The following NAV1 variants were observed in gnomAD, a reference collection of about 807,000 sequenced individuals.
The protein encoded by NAV1 is neuron navigator 1, also known as pore membrane and/or filament interacting like protein 3.
In NAV1, 18 loss-of-function variants were observed where a neutral mutation model predicts 175.2. The observed-to-expected ratio is 0.10, with a 90% confidence interval of 0.07 to 0.15. The LOEUF (loss-of-function observed/expected upper bound fraction) is 0.15. Among genes scored for constraint, NAV1 ranks in the 10% least tolerant of loss-of-function variants. NAV1 has a pLI of 1.00. For synonymous variants in NAV1, 897 were observed against 978.7 expected (o/e 0.92, Z 1.56); for missense variants, 1,731 against 2,436.6 (o/e 0.71, Z 6.10).
intron 2 of NAV1, among the ~76,000 whole-genome samples, chr1:201,630,001 G>A (rs1301597082): frequency 2.0e-5 from 3 of 152,204 alleles, no homozygotes; most frequent in Admixed American, 2.0e-4. Flanking sequence ...AGGCATGTGA[G>A]ATTCACCAGG....
Position 201,718,354 on chromosome 1 carries a change from C to G in NAV1, c.861-36C>G. 1.3e-6 allele frequency: 2 copies of G among 1,496,932 alleles called. No homozygotes were observed. The highest frequency in any genetic ancestry group is 1.8e-6 in the Non-Finnish European group (2 of 1,121,290). The allele number at this position is 1,496,932 out of a possible 1,614,324, so 92.7% of individuals were successfully genotyped here. A position where few individuals can be genotyped will look rare whatever the true frequency, so the allele number is the denominator to read the frequency against. ...GGGGACAGGGCACACGGCGGCTGTG[C>G]CAAGGACTAAGTAGTGCCTTCTGCT... On this transcript the variant is annotated intron_variant, in intron 2 of 29. Coordinates refer to ENST00000367296, the Ensembl canonical transcript of NAV1. This position sits in a 1 kb window ranked among gnomAD's most constrained non-coding sequence, Gnocchi z 4.8.
intron 1 of NAV1, among the ~76,000 whole-genome samples, chr1:201,586,959 C>T (rs1159673525): frequency 6.6e-6 from 1 of 152,100 alleles, no homozygotes; most frequent in Non-Finnish European, 1.5e-5. Flanking sequence ...GCCTGTAACC[C>T]CAGCACTTTG....
chr1:201,544,430 C>T (rs1362204267), intron 1 of NAV1, among the ~76,000 whole-genome samples: 4 of 152,158 alleles, frequency 2.6e-5, no homozygotes, highest in African/African-American at 4.8e-5. Context: ...TAAAATGAAA[C>T]TTTCAAAGTT....
At chr1:201,548,170 G>A (rs1327784632) in intron 1 of NAV1, among the ~76,000 whole-genome samples, 1 of 152,158 alleles carries the variant, frequency 6.6e-6, no homozygotes, top group Non-Finnish European at 1.5e-5. Context: ...CTAAGGCTGG[G>A]ATTTAATAAT....
At chr1:201,666,479 C>T (rs1477681500) in intron 1 of NAV1, among the ~76,000 whole-genome samples, 2 of 152,134 alleles carry the variant, frequency 1.3e-5, no homozygotes, top group African/African-American at 4.8e-5. Context: ...CCTTTATATC[C>T]ACTGAGGAGA....
At chr1:201,802,397 G>A (rs1485247742) in intron 15 of NAV1, among the ~76,000 whole-genome samples, 1 of 140,268 alleles carries the variant, frequency 7.1e-6, no homozygotes, top group African/African-American at 2.7e-5. Context: ...GTGGCAAGAG[G>A]ATCACTTGAA....
rs145296517 is a variant in NAV1 at position 201,690,943 on chromosome 1, C to A, written c.758-21874C>A. ...CTAGACCCTCTGTTAACCCTCTAGA[C>A]CCTCTGCATGAATAACTCCAGATAT... On this transcript the variant is annotated intron_variant, in intron 1 of 29. Transcript: ENST00000367296. Among the ~76,000 whole-genome samples, 13 of 152,340 alleles carry A rather than the reference C, an allele frequency of 8.5e-5. No individual in the cohort carries two copies. In the East Asian group the frequency reaches 2.3e-3, roughly 27 times the overall value.
At chr1:201,776,335 CAAAAA>C (rs71138352) in intron 3 of NAV1, among the ~76,000 whole-genome samples, 4 of 71,892 alleles carry the variant, frequency 5.6e-5, no homozygotes, top group Non-Finnish European at 9.5e-5. Context: ...CCTGACTCTA[CAAAAA>C]AAAAAAAAAA....
chr1:201,628,573 C>T (rs1477530389), intron 1 of NAV1, among the ~76,000 whole-genome samples: 1 of 152,138 alleles, frequency 6.6e-6, no homozygotes, highest in East Asian at 1.9e-4. Flanking sequence ...GGTTCCATGG[C>T]CCAGCCCTTC....
chr1:201,572,047 C>T (rs1180280077), intron 1 of NAV1, among the ~76,000 whole-genome samples: 1 of 152,232 alleles, frequency 6.6e-6, no homozygotes, highest in Non-Finnish European at 1.5e-5. Context: ...AGTCACTGAG[C>T]ACCTTCCAGA....
At chr1:201,558,682 C>A (rs1347318304) in intron 1 of NAV1, among the ~76,000 whole-genome samples, 1 of 152,124 alleles carries the variant, frequency 6.6e-6, no homozygotes, top group African/African-American at 2.4e-5. Context: ...GAACTCCTGA[C>A]CTCGTGATCC....
At chr1:201,558,368 T>C (rs927790504) in intron 1 of NAV1, among the ~76,000 whole-genome samples, 2 of 152,210 alleles carry the variant, frequency 1.3e-5, no homozygotes, top group Non-Finnish European at 2.9e-5. Flanking sequence ...TAATGGTTAG[T>C]AAATCATTCT....
chr1:201,551,989 A>G (rs1190903374), intron 1 of NAV1, among the ~76,000 whole-genome samples: 1 of 152,124 alleles, frequency 6.6e-6, no homozygotes, highest in Admixed American at 6.6e-5. Flanking sequence ...CCTCTTAGTC[A>G]TCTCCCCACT....
chr1:201,803,623 A>T, exon 16 of NAV1: 1 of 1,613,770 alleles, frequency 6.2e-7, no homozygotes, highest in Non-Finnish European at 8.5e-7. Context: ...AACTCCTCAG[A>T]TAGCATCTCA....
chr1:201,619,536 T>C (rs993266251), upstream of NAV1, among the ~76,000 whole-genome samples: 2 of 152,102 alleles, frequency 1.3e-5, no homozygotes, highest in Non-Finnish European at 2.9e-5. Context: ...CATGGAGAGG[T>C]TGAATAATTT....
chr1:201,670,933 A>G (rs533560142), intron 1 of NAV1, among the ~76,000 whole-genome samples: 1 of 152,238 alleles, frequency 6.6e-6, no homozygotes, highest in South Asian at 2.1e-4. Context: ...GGTGGTAGAG[A>G]TGACGGCAAT....
At chr1:201,567,217 A>T (rs1666381727) in intron 1 of NAV1, among the ~76,000 whole-genome samples, 1 of 152,196 alleles carries the variant, frequency 6.6e-6, no homozygotes, top group Non-Finnish European at 1.5e-5. Context: ...CATCAGCTGC[A>T]GGGGGGAGTG....
At chr1:201,665,453 C>T (rs1171185359) in intron 1 of NAV1, among the ~76,000 whole-genome samples, 1 of 152,106 alleles carries the variant, frequency 6.6e-6, no homozygotes, top group Non-Finnish European at 1.5e-5. Context: ...GAGGCCTATC[C>T]TCCATTTCTG....
At chr1:201,588,848 AT>A (rs1036047227) in intron 2 of NAV1, among the ~76,000 whole-genome samples, 199 bp downstream of exon 2, 147 of 149,588 alleles carry the variant, frequency 9.8e-4, no homozygotes, top group African/African-American at 3.2e-3. Flanking sequence ...AAAAGATTGG[AT>A]TTTTTTTTTC....
Sources: allele counts gnomAD v4.1 joint callset (sites outside exome capture counted in the v4.1 genomes callset), GRCh38; gene constraint gnomAD v4.1.1; non-coding constraint Gnocchi (gnomAD v3.1); transcripts MANE v1.5; gene names NCBI Gene and HGNC (gene_info 2026-07-23, HGNC 2026-07-21).